The following JMJD1C variants were observed in gnomAD, a reference collection of about 807,000 sequenced individuals.
JMJD1C encodes the protein jumonji domain-containing protein 1C.
Under a neutral mutation model 245.3 loss-of-function variants are expected in JMJD1C, and 31 were observed. The observed-to-expected ratio is 0.13, with a 90% confidence interval of 0.09 to 0.17. JMJD1C has a LOEUF of 0.17. Ranked by LOEUF, JMJD1C falls within the 10% of genes least tolerant of loss-of-function variation. The pLI, the probability that JMJD1C is intolerant of heterozygous loss-of-function variation, is 1.00. For synonymous variants in JMJD1C, 1,057 were observed against 1,017.4 expected (o/e 1.04, Z -0.74); for missense variants, 2,691 against 3,000.2 (o/e 0.90, Z 2.41).
chr10:63,467,511 C>T (rs1426030013), upstream of JMJD1C, among the ~76,000 whole-genome samples: 2 of 152,046 alleles, frequency 1.3e-5, no homozygotes, highest in Non-Finnish European at 1.5e-5. Flanking sequence ...TCAGTCCCCC[C>T]GAAAACAAAC....
At chr10:63,493,348 A>C (rs1200673943) in intron 1 of JMJD1C, among the ~76,000 whole-genome samples, 1 of 122,808 alleles carries the variant, frequency 8.1e-6, no homozygotes, top group Non-Finnish European at 1.6e-5. Context: ...TGAAACCTCC[A>C]CCTCCTTGGT....
intron 1 of JMJD1C, among the ~76,000 whole-genome samples, chr10:63,477,453 T>C (rs573274366): frequency 4.0e-5 from 6 of 151,716 alleles, no homozygotes; most frequent in East Asian, 3.9e-4. Context: ...CCCATACTTA[T>C]ATGGTCAATT....
chr10:63,398,902 C>A (rs1489830973), intron 1 of JMJD1C, among the ~76,000 whole-genome samples: 1 of 152,200 alleles, frequency 6.6e-6, no homozygotes, highest in Non-Finnish European at 1.5e-5. Flanking sequence ...ATGCTTTGGC[C>A]TCCCAAAGTG....
intron 1 of JMJD1C, among the ~76,000 whole-genome samples, chr10:63,395,493 T>C (rs1024492674): frequency 1.3e-5 from 2 of 151,920 alleles, no homozygotes; most frequent in Admixed American, 6.6e-5. Flanking sequence ...AAAGAATGAC[T>C]AAAATTTTTA....
At chr10:63,309,438 G>A (rs1938812528) in intron 2 of JMJD1C, among the ~76,000 whole-genome samples, 1 of 129,054 alleles carries the variant, frequency 7.7e-6, no homozygotes, top group Non-Finnish European at 1.6e-5. Flanking sequence ...AGGTTGCAGT[G>A]AGCCAAGATC....
intron 2 of JMJD1C, among the ~76,000 whole-genome samples, chr10:63,361,495 T>A (rs1036171888): frequency 6.6e-6 from 1 of 152,022 alleles, no homozygotes; most frequent in South Asian, 2.1e-4. Flanking sequence ...ATACATCAAA[T>A]ACTAAAAAGA....
intron 1 of JMJD1C, among the ~76,000 whole-genome samples, chr10:63,400,357 T>C (rs1387255821): frequency 6.6e-6 from 1 of 152,150 alleles, no homozygotes; most frequent in Non-Finnish European, 1.5e-5. Flanking sequence ...ATAAACAACA[T>C]GTGAGTGTGT....
chr10:63,394,699 T>C (rs1948340849), intron 1 of JMJD1C, among the ~76,000 whole-genome samples: 1 of 151,878 alleles, frequency 6.6e-6, no homozygotes. Flanking sequence ...ACAAAATCAG[T>C]CAGGCTTGGT....
intron 1 of JMJD1C, among the ~76,000 whole-genome samples, chr10:63,383,883 T>G (rs1947395991): frequency 6.6e-6 from 1 of 152,140 alleles, no homozygotes. Flanking sequence ...GGGGTGTTTG[T>G]GACAATTTCT....
chr10:63,342,060 T>G (rs1943431348), intron 2 of JMJD1C, among the ~76,000 whole-genome samples: 1 of 152,202 alleles, frequency 6.6e-6, no homozygotes, highest in African/African-American at 2.4e-5. Context: ...AGAAAAAAGT[T>G]TCCAACCTTC....
chr10:63,369,362 G>A (rs1476301164), intron 2 of JMJD1C, among the ~76,000 whole-genome samples: 2 of 151,692 alleles, frequency 1.3e-5, no homozygotes, highest in Admixed American at 6.6e-5. Flanking sequence ...GGCTGGTCTC[G>A]AACTCCTAAC....
intron 1 of JMJD1C, among the ~76,000 whole-genome samples, chr10:63,409,281 C>A (rs900546073): frequency 1.3e-5 from 2 of 152,100 alleles, no homozygotes; most frequent in Non-Finnish European, 2.9e-5. Context: ...AACTGGCAAC[C>A]AAAATGAGTG....
At chr10:63,414,487 A>C (rs1031337743) in intron 1 of JMJD1C, among the ~76,000 whole-genome samples, 4 of 152,042 alleles carry the variant, frequency 2.6e-5, no homozygotes, top group African/African-American at 9.7e-5. Context: ...AATTTTCTCA[A>C]CTCTCATAAT....
intron 1 of JMJD1C, among the ~76,000 whole-genome samples, chr10:63,445,891 T>TTTTC (rs1554940074): frequency 1.7e-5 from 2 of 115,166 alleles, no homozygotes; most frequent in African/African-American, 6.9e-5. Context: ...TTTTTTTTTT[T>TTTTC]CCAGACAGAG....
chr10:63,427,347 A>G (rs775369351), intron 1 of JMJD1C: 23 of 1,071,520 alleles, frequency 2.1e-5, no homozygotes, highest in South Asian at 2.6e-5. Flanking sequence ...CCTGGGACCA[A>G]GTGTTCACCG....
intron 3 of JMJD1C, among the ~76,000 whole-genome samples, chr10:63,248,564 A>AAATAAATAAATAAATAAATG (rs1261413678): frequency 1.5e-4 from 23 of 151,280 alleles, no homozygotes; most frequent in Non-Finnish European, 2.6e-4. Context: ...ATAAATAAAT[A>AAATAAATAAATAAATAAATG]AATGACAGGG....
chr10:63,291,695 A>G (rs1256877531), intron 2 of JMJD1C, among the ~76,000 whole-genome samples: 1 of 151,726 alleles, frequency 6.6e-6, no homozygotes, highest in Admixed American at 6.6e-5. Context: ...AGGCATGATC[A>G]CAGTGCACTA....
chr10:63,279,350 T>C (rs1047909533), intron 2 of JMJD1C, among the ~76,000 whole-genome samples: 4 of 152,242 alleles, frequency 2.6e-5, no homozygotes, highest in African/African-American at 7.2e-5. Flanking sequence ...TCTGGAATTG[T>C]ATCCATTGAA....
chr10:63,218,428 TA>T (rs2133259841), intron 4 of JMJD1C, among the ~76,000 whole-genome samples: 1 of 152,242 alleles, frequency 6.6e-6, no homozygotes, highest in East Asian at 1.9e-4. Context: ...AGGTGATGCG[TA>T]AACACTGTTT....
Sources: allele counts gnomAD v4.1 joint callset (sites outside exome capture counted in the v4.1 genomes callset), GRCh38; gene constraint gnomAD v4.1.1; transcripts MANE v1.5; gene names NCBI Gene and HGNC (gene_info 2026-07-23, HGNC 2026-07-21).